MAPK10: variants seen among roughly 807,000 people sequenced by gnomAD.
MAPK10 encodes the protein mitogen-activated protein kinase 10, also known as JNK3 alpha protein kinase.
MAPK10 carries 25 observed loss-of-function variants against 59.3 expected under a neutral mutation model. The ratio of observed to expected loss-of-function variants is 0.42; its 90% CI spans 0.31 to 0.59. MAPK10 has a LOEUF of 0.59. Ranked by LOEUF, MAPK10 falls within the 20% of genes least tolerant of loss-of-function variation. The pLI, the probability that MAPK10 is intolerant of heterozygous loss-of-function variation, is 0.15. For synonymous variants in MAPK10, 190 were observed against 200.5 expected, an observed-to-expected ratio of 0.95 and a Z score of 0.44; for missense variants, 351 against 568.9, an observed-to-expected ratio of 0.62 and a Z score of 3.90.
intron 1 of MAPK10, among the ~76,000 whole-genome samples, chr4:86,480,747 A>C (rs1403089582): frequency 6.6e-6 from 1 of 152,200 alleles, no homozygotes; most frequent in Non-Finnish European, 1.5e-5. Flanking sequence ...TAAGGGTTAC[A>C]GCTGTCATTC....
At position 86,012,921 on chromosome 4, in the gene MAPK10, C is replaced by T. The variant is rs1741811943; in HGVS notation, c.*4307G>A. On this transcript the variant is annotated 3_prime_UTR_variant, in exon 14 of 14. Coordinates refer to ENST00000641462, the MANE Select transcript of MAPK10 (RefSeq NM_138982.4). ...GACAATTCTCATCATTGGTAATAGT[C>T]TTTGGAGTCCAATCATGCAGAAAAA... 1.3e-5 allele frequency: 2 copies of T among 152,150 alleles called. No homozygotes were observed. The highest frequency in any genetic ancestry group is 1.3e-4 in the Admixed American group (2 of 15,268). 9.4% of individuals were successfully genotyped at this position (152,150 alleles called of 1,614,324 possible).
chr4:86,125,224 A>C (rs1414305679), intron 4 of MAPK10: 2 of 152,004 alleles, frequency 1.3e-5, no homozygotes, highest in East Asian at 3.9e-4. Context: ...GATTCCCAGA[A>C]GTTTCATTAA....
chr4:86,568,101 C>T (rs1761193850), intron 1 of MAPK10, among the ~76,000 whole-genome samples: 1 of 152,146 alleles, frequency 6.6e-6, no homozygotes, highest in African/African-American at 2.4e-5. Context: ...AGCAAAGGTA[C>T]AGGATACAAA....
At chr4:86,026,176 T>C (rs1750102585) in intron 13 of MAPK10, among the ~76,000 whole-genome samples, 1 of 152,200 alleles carries the variant, frequency 6.6e-6, no homozygotes, top group African/African-American at 2.4e-5. Context: ...ATCCTTATCT[T>C]AGTGAGTCAC....
intron 4 of MAPK10, among the ~76,000 whole-genome samples, chr4:86,114,401 T>C (rs951311914): frequency 3.3e-5 from 5 of 151,972 alleles, no homozygotes; most frequent in African/African-American, 1.2e-4. Flanking sequence ...GGGGTTTTTG[T>C]GGGGTCTTTT....
At chr4:86,216,521 G>A (rs2087691731) in intron 2 of MAPK10, among the ~76,000 whole-genome samples, 1 of 151,536 alleles carries the variant, frequency 6.6e-6, no homozygotes, top group African/African-American at 2.4e-5. Context: ...ATGTATTTAA[G>A]ATTTAAATAG....
chr4:86,207,569 T>C (rs1229940710), intron 2 of MAPK10, among the ~76,000 whole-genome samples: 1 of 152,152 alleles, frequency 6.6e-6, no homozygotes, highest in Non-Finnish European at 1.5e-5. Context: ...AGTAGTTTTT[T>C]CCAATTCTCT....
chr4:86,383,852 T>C (rs1419093743), intron 1 of MAPK10, among the ~76,000 whole-genome samples: 2 of 152,168 alleles, frequency 1.3e-5, no homozygotes, highest in African/African-American at 2.4e-5. Flanking sequence ...CACACACAAT[T>C]GAAAGGCAAA....
At chr4:86,034,274 T>C (rs974349001) in intron 11 of MAPK10, among the ~76,000 whole-genome samples, 7 of 152,358 alleles carry the variant, frequency 4.6e-5, no homozygotes, top group East Asian at 1.9e-4. Context: ...TTTTGGAAGA[T>C]TTGAACTTCC....
chr4:86,128,509 G>C (rs1361143368), intron 4 of MAPK10, among the ~76,000 whole-genome samples: 1 of 152,048 alleles, frequency 6.6e-6, no homozygotes, highest in African/African-American at 2.4e-5. Context: ...ATGTGAAGAA[G>C]GACGTGTTTG....
intron 1 of MAPK10, among the ~76,000 whole-genome samples, chr4:86,460,761 G>A (rs987740883): frequency 8.5e-5 from 13 of 152,216 alleles, no homozygotes; most frequent in African/African-American, 3.1e-4. Flanking sequence ...TGTTCCTGCT[G>A]CAGTTAACTA....
intron 1 of MAPK10, among the ~76,000 whole-genome samples, chr4:86,507,123 A>G (rs1175794650): frequency 6.6e-6 from 1 of 152,136 alleles, no homozygotes; most frequent in African/African-American, 2.4e-5. Flanking sequence ...ATCATACTGA[A>G]TATAAAAAAG....
intron 1 of MAPK10, among the ~76,000 whole-genome samples, chr4:86,396,367 C>A (rs1237011932): frequency 6.6e-6 from 1 of 152,116 alleles, no homozygotes; most frequent in Non-Finnish European, 1.5e-5. Context: ...AAGAAAGTAG[C>A]GTTTCCAACA....
At position 86,010,467 on chromosome 4, in the gene MAPK10, C is replaced by T. The variant is rs1160574025; in HGVS notation, c.*6761G>A. Reference sequence around the variant, plus strand: ...AGGTTAAGGACCATGCAATATATATCTCCTACACCGAAGTGTCCAAGAAAT... The same window carrying T: ...AGGTTAAGGACCATGCAATATATATTTCCTACACCGAAGTGTCCAAGAAAT... On this transcript the variant is annotated 3_prime_UTR_variant, in exon 14 of 14. Coordinates refer to ENST00000641462, the MANE Select transcript of MAPK10 (RefSeq NM_138982.4). 2 of 152,112 alleles carry T rather than the reference C, an allele frequency of 1.3e-5. No homozygotes were observed. The highest frequency in any genetic ancestry group is 2.9e-5 in the Non-Finnish European group (2 of 68,022). 9.4% of individuals were successfully genotyped at this position (152,112 alleles called of 1,614,324 possible). A position where few individuals can be genotyped will look rare whatever the true frequency, so the allele number is the denominator to read the frequency against.
At chr4:86,586,797 G>A (rs1321799235) in intron 1 of MAPK10, among the ~76,000 whole-genome samples, 1 of 152,132 alleles carries the variant, frequency 6.6e-6, no homozygotes, top group Admixed American at 6.5e-5. Context: ...GGGGCCAGTA[G>A]GGGAAAACGG....
At chr4:86,513,604 AATTTCCCACAGTAGG>A (rs763420631) in intron 1 of MAPK10, among the ~76,000 whole-genome samples, 42 of 152,200 alleles carry the variant, frequency 2.8e-4, no homozygotes, top group Non-Finnish European at 3.8e-4. Context: ...AGTCTTACTT[AATTTCCCACAGTAGG>A]ATTTCCCACA....
chr4:86,139,380 A>G (rs1453795472), intron 4 of MAPK10, among the ~76,000 whole-genome samples: 4 of 150,934 alleles, frequency 2.7e-5, no homozygotes, highest in Non-Finnish European at 4.4e-5. Flanking sequence ...ATAACGCCGC[A>G]TATCTACAAC....
At chr4:86,169,199 A>G (rs1187987400) in intron 3 of MAPK10, among the ~76,000 whole-genome samples, 1 of 152,234 alleles carries the variant, frequency 6.6e-6, no homozygotes, top group Non-Finnish European at 1.5e-5. Flanking sequence ...CAGCAACAGA[A>G]CAAAGCTGGA....
intron 2 of MAPK10, among the ~76,000 whole-genome samples, chr4:86,202,884 G>A (rs1160531027): frequency 6.6e-6 from 1 of 151,918 alleles, no homozygotes; most frequent in Non-Finnish European, 1.5e-5. Flanking sequence ...TAACCTTCTT[G>A]TTCTAGGAAG....
Sources: gnomAD v4.1 joint callset for allele counts (sites outside exome capture counted in the v4.1 genomes callset) on GRCh38, gnomAD v4.1.1 for gene constraint, MANE v1.5 for transcripts, NCBI Gene and HGNC (gene_info 2026-07-23, HGNC 2026-07-21) for gene names.